Variants in SNX29 observed in about 807,000 individuals in gnomAD.
SNX29 encodes the protein sorting nexin-29.
Under a neutral mutation model 102.1 loss-of-function variants are expected in SNX29, and 78 were observed. The observed-to-expected ratio is 0.76, with a 90% CI of 0.64 to 0.92. The LOEUF is 0.92. SNX29 is among the 40% of genes least tolerant of loss of function. The probability of loss-of-function intolerance (pLI) is 0.00; values close to 1 mark genes in which losing one functional copy is unlikely to be tolerated. For missense variants in SNX29, 1,280 were observed against 1,061.7 expected (o/e 1.21, Z -2.86); for synonymous variants, 580 against 414.5 (o/e 1.40, Z -4.85).
At chr16:12,332,064 AAATAAT>A (rs1283229969) in intron 15 of SNX29, among the ~76,000 whole-genome samples, 4 of 152,196 alleles carry the variant, frequency 2.6e-5, no homozygotes, top group Non-Finnish European at 4.4e-5. Context: ...CATCTCAAAA[AAATAAT>A]AATAATAAAG....
intron 16 of SNX29, among the ~76,000 whole-genome samples, chr16:12,368,734 T>C (rs1047259816): frequency 6.6e-6 from 1 of 152,260 alleles, no homozygotes; most frequent in Admixed American, 6.5e-5. Flanking sequence ...CTGTCTTCTC[T>C]TCTCCAGCAT....
intron 3 of SNX29, among the ~76,000 whole-genome samples, chr16:12,019,800 C>A (rs145371761): frequency 1.3e-5 from 2 of 151,306 alleles, no homozygotes; most frequent in Non-Finnish European, 2.9e-5. Context: ...CCACACCCGA[C>A]TTTTTTTTGT....
chr16:12,558,321 C>T (rs532927997), intron 20 of SNX29, among the ~76,000 whole-genome samples: 3 of 151,544 alleles, frequency 2.0e-5, no homozygotes, highest in African/African-American at 7.3e-5. Context: ...CCTCAAGTGG[C>T]TATCAACAAA....
intron 19 of SNX29, among the ~76,000 whole-genome samples, chr16:12,491,741 CATT>C (rs1003523388): frequency 5.9e-5 from 9 of 151,920 alleles, no homozygotes; most frequent in African/African-American, 1.9e-4. Flanking sequence ...CATGTGTTCT[CATT>C]GTTCAATTCC....
chr16:12,445,858 T>G (rs566401987), intron 18 of SNX29, among the ~76,000 whole-genome samples: 2 of 152,198 alleles, frequency 1.3e-5, no homozygotes, highest in South Asian at 4.2e-4. Context: ...GCTGCCCCCA[T>G]TCTACAGATG....
chr16:12,420,813 A>G (rs1217664249), intron 18 of SNX29, among the ~76,000 whole-genome samples: 2 of 152,184 alleles, frequency 1.3e-5, no homozygotes, highest in East Asian at 3.9e-4. Context: ...TTCAGGGTGA[A>G]CACTGATAGT....
At chr16:12,051,502 C>T (rs572435846) in intron 7 of SNX29, among the ~76,000 whole-genome samples, 17 of 152,252 alleles carry the variant, frequency 1.1e-4, no homozygotes, top group Admixed American at 5.9e-4. Flanking sequence ...CCAGCTGGTT[C>T]TCCTGGTCTC....
chr16:12,365,326 TTG>T (rs58869867), intron 16 of SNX29, among the ~76,000 whole-genome samples: 8,195 of 139,784 alleles, frequency 0.059, 278 homozygotes, highest in Non-Finnish European at 0.066. Flanking sequence ...ACATCAGGAT[TTG>T]TGTGTGTGTG....
In SNX29 at chr16:12,078,709, A is replaced by G. The variant is rs137957544; in HGVS notation, c.1320-124A>G. 1,286 of 794,052 alleles carry G rather than the reference A, an allele frequency of 1.6e-3. 9 individuals are homozygous for G. The African/African-American group carries it at 0.02, about 12-fold the overall frequency. 49.2% of individuals were successfully genotyped at this position (794,052 alleles called of 1,614,324 possible). Reference sequence around the variant, plus strand: ...GATAACGAGGCCTGACTAATTTCCAATGACTGCCTCTATCCCTTCTAGTAG... The same window carrying G: ...GATAACGAGGCCTGACTAATTTCCAGTGACTGCCTCTATCCCTTCTAGTAG... On this transcript the variant is annotated intron_variant, in intron 10 of 20. Coordinates refer to ENST00000566228, the MANE Select transcript of SNX29 (RefSeq NM_032167.5).
intron 20 of SNX29, among the ~76,000 whole-genome samples, chr16:12,549,015 T>G (rs2561036): frequency 1.3e-5 from 2 of 152,186 alleles, no homozygotes; most frequent in East Asian, 1.9e-4. Context: ...TGTAACAGCA[T>G]AAAAAGCTTG....
At position 12,140,960 on chromosome 16, in the gene SNX29, A is replaced by T. The variant is rs140315297; in HGVS notation, c.1595+11202A>T. Among the ~76,000 whole-genome samples the T allele has an allele frequency of 5.5e-3, 844 of 152,324 alleles. 22 individuals are homozygous for T. Among genetic ancestry groups the T allele is most frequent in the Admixed American group, 0.038 (576 of 15,304 alleles). ...TAAAAAATCAGTATAACACTCTAAT[A>T]TGAAAGAGAAATGAAAGGAATTTAT... On this transcript the variant is annotated intron_variant, in intron 13 of 20. Coordinates refer to ENST00000566228, the MANE Select transcript of SNX29 (RefSeq NM_032167.5).
chr16:12,534,199 T>G (rs2077007492), intron 20 of SNX29, among the ~76,000 whole-genome samples: 2 of 152,218 alleles, frequency 1.3e-5, no homozygotes, highest in South Asian at 4.1e-4. Flanking sequence ...GAGTGTGGGC[T>G]CCATGAGAAA....
intron 16 of SNX29, chr16:12,372,542 A>C (rs1426623277): frequency 1.3e-5 from 2 of 152,148 alleles, no homozygotes; most frequent in Non-Finnish European, 2.9e-5. Context: ...CTTGCCCTGG[A>C]GGTTCATGAG....
intron 20 of SNX29, among the ~76,000 whole-genome samples, chr16:12,544,755 G>T (rs549099110): frequency 6.6e-6 from 1 of 152,190 alleles, no homozygotes; most frequent in Non-Finnish European, 1.5e-5. Context: ...GAAGGGACGT[G>T]CTCTGGGTCG....
At chr16:12,563,199 T>G (rs2078830261) in intron 20 of SNX29, among the ~76,000 whole-genome samples, 2 of 41,614 alleles carry the variant, frequency 4.8e-5, no homozygotes, top group Admixed American at 1.8e-4. Flanking sequence ...ACAGTCAACA[T>G]GCTGGGATTG....
intron 20 of SNX29, among the ~76,000 whole-genome samples, chr16:12,550,829 T>C (rs1567178150): frequency 6.6e-6 from 1 of 152,204 alleles, no homozygotes; most frequent in East Asian, 1.9e-4. Context: ...TTTACCTTTT[T>C]ACAGATGATT....
intron 13 of SNX29, among the ~76,000 whole-genome samples, chr16:12,148,233 C>G (rs1221734287): frequency 6.6e-6 from 1 of 152,210 alleles, no homozygotes; most frequent in African/African-American, 2.4e-5. Flanking sequence ...AGGTGGGGTC[C>G]TGGAATGCCA....
At chr16:12,548,592 A>G (rs1452068124) in intron 20 of SNX29, among the ~76,000 whole-genome samples, 3 of 152,162 alleles carry the variant, frequency 2.0e-5, no homozygotes, top group African/African-American at 7.2e-5. Context: ...GTCCCACTCC[A>G]GGCCCGGGTA....
At chr16:12,141,493 CG>C (rs1383089852) in intron 13 of SNX29, among the ~76,000 whole-genome samples, 1 of 152,214 alleles carries the variant, frequency 6.6e-6, no homozygotes, top group African/African-American at 2.4e-5. Flanking sequence ...AGGGCTACTC[CG>C]CAGACAGAGC....
Sources: allele counts gnomAD v4.1 joint callset (sites outside exome capture counted in the v4.1 genomes callset), GRCh38; gene constraint gnomAD v4.1.1; transcripts MANE v1.5; gene names NCBI Gene and HGNC (gene_info 2026-07-23, HGNC 2026-07-21).